Variants in DOCK1 observed in about 807,000 individuals in gnomAD.
DOCK1 encodes the protein dedicator of cytokinesis 1, also known as dedicator of cytokinesis protein 1.
In DOCK1, 138 loss-of-function variants were observed where a neutral mutation model predicts 262.7. That is an observed-to-expected ratio of 0.53 (90% CI 0.46 to 0.61). DOCK1 has a LOEUF of 0.61. Ranked by LOEUF, DOCK1 falls within the 20% of genes least tolerant of loss-of-function variation. The pLI is 0.00. For missense variants in DOCK1, 1,908 were observed against 2,370.7 expected (o/e 0.80, Z 4.05); for synonymous variants, 866 against 867.4 (o/e 1.00, Z 0.03).
chr10:127,320,311 A>G (rs781240962), intron 29 of DOCK1, among the ~76,000 whole-genome samples: 6 of 152,210 alleles, frequency 3.9e-5, no homozygotes, highest in East Asian at 1.9e-4. Context: ...ATCTATTTCA[A>G]GTCTTTCCAG....
chr10:127,121,455 A>ATATGTGTGTG (rs139656728), intron 25 of DOCK1, among the ~76,000 whole-genome samples: 3 of 148,260 alleles, frequency 2.0e-5, no homozygotes, highest in African/African-American at 7.4e-5. Context: ...GTATATGTAT[A>ATATGTGTGTG]TGTGTGTGTG....
chr10:127,433,976 C>T (rs1378009259), intron 48 of DOCK1, among the ~76,000 whole-genome samples: 2 of 151,928 alleles, frequency 1.3e-5, no homozygotes, highest in African/African-American at 4.8e-5. Context: ...AGGTGCAGTC[C>T]GGGCTGGCCA....
chr10:127,307,866 C>T (rs537100360), intron 29 of DOCK1, among the ~76,000 whole-genome samples: 3 of 152,314 alleles, frequency 2.0e-5, no homozygotes, highest in South Asian at 2.1e-4. Context: ...CTCTCCTGTC[C>T]GTGAGTTTTC....
At chr10:127,084,689 G>T (rs2047096223) in intron 23 of DOCK1, among the ~76,000 whole-genome samples, 3 of 152,190 alleles carry the variant, frequency 2.0e-5, no homozygotes, top group Admixed American at 1.3e-4. Context: ...AAACTTCACA[G>T]GATATTCTAT....
At chr10:126,962,947 T>C (rs2037341875) in intron 1 of DOCK1, among the ~76,000 whole-genome samples, 1 of 152,174 alleles carries the variant, frequency 6.6e-6, no homozygotes, top group South Asian at 2.1e-4. Flanking sequence ...TGCAAGTGGA[T>C]ATCCAGTTTT....
At chr10:127,195,572 A>G (rs1249064821) in intron 27 of DOCK1, among the ~76,000 whole-genome samples, 1 of 147,864 alleles carries the variant, frequency 6.8e-6, no homozygotes, top group East Asian at 2.0e-4. Context: ...AGGGCGCTTT[A>G]GTTTGGAAAA....
intron 29 of DOCK1, among the ~76,000 whole-genome samples, chr10:127,331,582 C>T (rs372511550): frequency 1.3e-5 from 2 of 152,074 alleles, no homozygotes; most frequent in South Asian, 2.1e-4. Flanking sequence ...GCGCCCGGCC[C>T]GGATTCAGTT....
chr10:127,394,898 TCACACAGGTGGGCGCTGGGTCTCC>T (rs960472749), intron 38 of DOCK1, among the ~76,000 whole-genome samples: 4 of 152,116 alleles, frequency 2.6e-5, no homozygotes, highest in African/African-American at 7.2e-5. Flanking sequence ...CTTCCGCCCA[TCACACAGGTGGGCGCTGGGTCTCC>T]CTATCCCACA....
chr10:127,449,382 A>C (rs1341702758), intron 51 of DOCK1, among the ~76,000 whole-genome samples: 1 of 122,706 alleles, frequency 8.1e-6, no homozygotes, highest in Non-Finnish European at 1.8e-5. Context: ...CTAAACTTAG[A>C]ATTACAGCCA....
rs1362313504 is a variant in DOCK1, at chr10:127,411,334, AC to A, written c.4428+413del. Among the ~76,000 whole-genome samples, 13 of 152,038 alleles carry A rather than the reference AC, an allele frequency of 8.6e-5. No individual in the cohort carries two copies. The East Asian group carries it at 2.5e-3, about 29-fold the overall frequency. On this transcript the variant is annotated intron_variant, in intron 43 of 51. Coordinates refer to ENST00000623213, the MANE Select transcript of DOCK1 (RefSeq NM_001290223.2). Reference sequence around the variant, plus strand: ...CAGTCAGCACATGAACTGGATCTGGACCCGGGTGCTCATTCCTCATTCAGTA... The same window carrying A: ...CAGTCAGCACATGAACTGGATCTGGACCGGGTGCTCATTCCTCATTCAGTA...
At chr10:127,349,386 C>CT (rs1312694346) in intron 31 of DOCK1, among the ~76,000 whole-genome samples, 1 of 152,136 alleles carries the variant, frequency 6.6e-6, no homozygotes, top group Non-Finnish European at 1.5e-5. Context: ...TCTCAGGACT[C>CT]TCCTGAGCTT....
chr10:126,977,728 C>T (rs569044482), intron 2 of DOCK1, among the ~76,000 whole-genome samples: 45 of 152,190 alleles, frequency 3.0e-4, no homozygotes, highest in African/African-American at 1.1e-3. Context: ...GTATGGAGGC[C>T]CATGTGTGAA....
At chr10:127,194,075 G>A (rs2056932811) in intron 27 of DOCK1, among the ~76,000 whole-genome samples, 1 of 152,196 alleles carries the variant, frequency 6.6e-6, no homozygotes, top group African/African-American at 2.4e-5. Context: ...GCTTTTCAAG[G>A]ACATCTTGTC....
chr10:127,359,299 G>A (rs918884801), intron 32 of DOCK1, among the ~76,000 whole-genome samples: 1 of 152,140 alleles, frequency 6.6e-6, no homozygotes, highest in Admixed American at 6.5e-5. Context: ...TAATAAGGAG[G>A]GTGATAATAA....
At chr10:127,280,539 C>T (rs2060922944) in intron 29 of DOCK1, among the ~76,000 whole-genome samples, 1 of 152,180 alleles carries the variant, frequency 6.6e-6, no homozygotes. Context: ...GGAGCTCAGT[C>T]ATCCTTGACA....
At chr10:126,915,622 CTAACACGGGTTAG>C (rs1564980049) in intron 1 of DOCK1, among the ~76,000 whole-genome samples, 1 of 152,152 alleles carries the variant, frequency 6.6e-6, no homozygotes, top group East Asian at 1.9e-4. Context: ...GGTTTAGTTA[CTAACACGGGTTAG>C]TAACACGGGG....
chr10:127,101,809 A>G (rs867453471), intron 23 of DOCK1, among the ~76,000 whole-genome samples: 12 of 152,224 alleles, frequency 7.9e-5, no homozygotes, highest in African/African-American at 2.7e-4. Flanking sequence ...TGCTGGGCAC[A>G]GTATAAAATG....
intron 38 of DOCK1, among the ~76,000 whole-genome samples, chr10:127,387,660 G>A (rs746110370): frequency 7.2e-5 from 11 of 152,098 alleles, no homozygotes; most frequent in Non-Finnish European, 1.5e-4. Flanking sequence ...AACCTCACGC[G>A]TCAATTCCCC....
intron 29 of DOCK1, among the ~76,000 whole-genome samples, chr10:127,328,039 C>G (rs1039472081): frequency 1.3e-5 from 2 of 150,672 alleles, no homozygotes; most frequent in African/African-American, 4.9e-5. Context: ...GTAGAAGTTG[C>G]CAAGCACCAG....
Sources: allele counts gnomAD v4.1 joint callset (sites outside exome capture counted in the v4.1 genomes callset), GRCh38; gene constraint gnomAD v4.1.1; transcripts MANE v1.5; gene names NCBI Gene and HGNC (gene_info 2026-07-23, HGNC 2026-07-21).